The following BTBD16 variants were observed in gnomAD, a reference collection of about 807,000 sequenced individuals.
BTBD16 encodes the protein BTB/POZ domain-containing protein 16.
A neutral mutation model predicts 67.4 loss-of-function variants in BTBD16; 66 were observed. The observed-to-expected ratio is 0.98, with a 90% CI of 0.80 to 1.20. The LOEUF is 1.20. Ranked by LOEUF, BTBD16 falls within the 50% of genes most tolerant of loss-of-function variation. The pLI, the probability that BTBD16 is intolerant of heterozygous loss-of-function variation, is 0.00. For synonymous variants in BTBD16, 242 were observed against 236.4 expected (o/e 1.02, Z -0.22); for missense variants, 634 against 616.0 (o/e 1.03, Z -0.31).
intron 9 of BTBD16, among the ~76,000 whole-genome samples, chr10:122,301,995 G>A (rs778318808): frequency 2.0e-5 from 3 of 152,274 alleles, no homozygotes; most frequent in South Asian, 2.1e-4. Context: ...ACGTGGCCCC[G>A]GAGTGGGATG....
At chr10:122,281,926 G>A (rs1299867271) in intron 3 of BTBD16, among the ~76,000 whole-genome samples, 1 of 152,118 alleles carries the variant, frequency 6.6e-6, no homozygotes, top group East Asian at 1.9e-4. Context: ...CAGCATCCCC[G>A]CACCAAGCAT....
chr10:122,305,802 A>G (rs1015186103), intron 9 of BTBD16, among the ~76,000 whole-genome samples: 19 of 152,108 alleles, frequency 1.2e-4, no homozygotes, highest in African/African-American at 4.6e-4. Flanking sequence ...TGTGTACTCA[A>G]TGTTTAAGCT....
At position 122,275,190 on chromosome 10, in the gene BTBD16, T is replaced by C; in HGVS notation, c.18+91T>C. 4 of 1,259,268 alleles carry C rather than the reference T, an allele frequency of 3.2e-6. No homozygotes were observed. In the South Asian group the frequency reaches 4.8e-5, roughly 15 times the overall value. The allele number at this position is 1,259,268 out of a possible 1,614,324, so 78.0% of individuals were successfully genotyped here. On this transcript the variant is annotated intron_variant, in intron 2 of 15. Coordinates refer to ENST00000260723, the MANE Select transcript of BTBD16 (RefSeq NM_144587.5). The stretch of plus-strand genomic sequence containing the variant: ...CAAATTTCCACAAGGGGCTGGGTTC[T>C]GCACCACCGAGGACCTCAAGCATTA...
chr10:122,329,590 G>A lies in BTBD16; in HGVS notation c.1003+19G>A, dbSNP rs765817515. ...ACCAAAGGTAAGCCCCAGTCCAGGC[G>A]AGCGCATCCACGGGAAAGCTGCTGG... On this transcript the variant is annotated intron_variant, in intron 11 of 15. Transcript: ENST00000260723. 22 of 1,609,680 alleles carry A rather than the reference G, an allele frequency of 1.4e-5. No homozygotes were observed. The highest frequency in any genetic ancestry group is 5.0e-5 in the Admixed American group (3 of 59,956).
chr10:122,305,622 T>A (rs1042052090), intron 9 of BTBD16, among the ~76,000 whole-genome samples: 1 of 152,210 alleles, frequency 6.6e-6, no homozygotes, highest in Non-Finnish European at 1.5e-5. Context: ...CATGGAACTG[T>A]GAGTCAAGTA....
chr10:122,316,742 T>C (rs2096425306), intron 10 of BTBD16, among the ~76,000 whole-genome samples: 2 of 151,510 alleles, frequency 1.3e-5, no homozygotes, highest in South Asian at 4.2e-4. Context: ...AGTGAGTGAA[T>C]GGTGCGTGAA....
chr10:122,306,303 T>G (rs2096403588), intron 9 of BTBD16, among the ~76,000 whole-genome samples: 1 of 152,238 alleles, frequency 6.6e-6, no homozygotes, highest in African/African-American at 2.4e-5. Context: ...GATCTTACCT[T>G]GTTTGGTACT....
chr10:122,307,053 G>A (rs1246361617), intron 9 of BTBD16, 136 bp from the exon 10 acceptor site: 2 of 978,716 alleles, frequency 2.0e-6, no homozygotes, highest in Non-Finnish European at 2.9e-6. Context: ...CTGTTTACCT[G>A]CTTGATGTCT....
At chr10:122,298,311 C>T (rs1283120169) in intron 8 of BTBD16, among the ~76,000 whole-genome samples, 1 of 152,176 alleles carries the variant, frequency 6.6e-6, no homozygotes, top group Non-Finnish European at 1.5e-5. Flanking sequence ...CTCTGTATGG[C>T]CACCAGTGAC....
intron 5 of BTBD16, among the ~76,000 whole-genome samples, chr10:122,288,420 G>C (rs140704410): frequency 6.6e-6 from 1 of 152,322 alleles, no homozygotes; most frequent in Admixed American, 6.5e-5. Context: ...GGAGGGGAAA[G>C]GATCCTTTGC....
At chr10:122,271,702 C>T (rs1481092597) in intron 1 of BTBD16, among the ~76,000 whole-genome samples, 188 bp downstream of exon 1, 4 of 152,054 alleles carry the variant, frequency 2.6e-5, no homozygotes, top group East Asian at 1.9e-4. Context: ...AGCTCCTGCC[C>T]GCCCACAGGG....
In BTBD16 at chr10:122,295,213, A is replaced by G. The variant is rs113510217; in HGVS notation, c.591-2555A>G. 4.2e-5 allele frequency: 31 copies of G among 745,110 alleles called. 3 individuals are homozygous for G. The highest frequency in any genetic ancestry group is 3.6e-4 in the African/African-American group (19 of 52,682). The allele number at this position is 745,110 out of a possible 1,614,324, so 46.2% of individuals were successfully genotyped here. ...GTAGAAGAAGGAAGGCATGGAAATC[A>G]AAACTAAGGCAGTATGTGGGGAGGA... is the stretch of plus-strand genomic sequence containing the variant. On this transcript the variant is annotated intron_variant, in intron 7 of 15. Coordinates refer to ENST00000260723, the MANE Select transcript of BTBD16 (RefSeq NM_144587.5).
chr10:122,316,881 C>T (rs939705734), intron 10 of BTBD16, among the ~76,000 whole-genome samples: 21 of 152,084 alleles, frequency 1.4e-4, no homozygotes, highest in African/African-American at 4.3e-4. Flanking sequence ...TCCGCCTCTC[C>T]GGTTCAACTG....
In BTBD16 at chr10:122,333,404, A is replaced by G. The variant is rs532002846; in HGVS notation, c.1164+891A>G. On this transcript the variant is annotated intron_variant, in intron 13 of 15. Coordinates refer to ENST00000260723, the MANE Select transcript of BTBD16 (RefSeq NM_144587.5). ...CCTATTCTTTACCTCACTAAGGAAC[A>G]TGAAGAGTAAATAATATCGTCACTG... Among the ~76,000 whole-genome samples the G allele has an allele frequency of 2.2e-4, 34 of 152,362 alleles. 1 individual carries two copies. The East Asian group carries it at 5.6e-3, about 25-fold the overall frequency.
chr10:122,335,512 G>A (rs2096462058), intron 14 of BTBD16, among the ~76,000 whole-genome samples: 1 of 152,188 alleles, frequency 6.6e-6, no homozygotes, highest in Non-Finnish European at 1.5e-5. Context: ...ACGGCCTTGC[G>A]AGCTATAGGA....
intron 3 of BTBD16, among the ~76,000 whole-genome samples, chr10:122,281,046 A>G (rs2096351937): frequency 1.3e-5 from 2 of 152,008 alleles, no homozygotes; most frequent in African/African-American, 2.4e-5. Flanking sequence ...GGCTCAAGTG[A>G]TGCTCCTGCC....
chr10:122,315,021 G>A (rs913000964), intron 10 of BTBD16, among the ~76,000 whole-genome samples: 3 of 152,022 alleles, frequency 2.0e-5, no homozygotes, highest in African/African-American at 7.2e-5. Context: ...CTGTGGGTTT[G>A]GTGTAGATAC....
intron 10 of BTBD16, among the ~76,000 whole-genome samples, chr10:122,329,079 T>C (rs1435042557): frequency 6.6e-6 from 1 of 152,172 alleles, no homozygotes; most frequent in African/African-American, 2.4e-5. Context: ...TTTTCCCATC[T>C]GTAAAATGGA....
intron 5 of BTBD16, chr10:122,287,361 G>T: frequency 1.1e-6 from 1 of 898,144 alleles, no homozygotes; most frequent in Non-Finnish European, 1.3e-6. Context: ...AAGTGGAAAT[G>T]GAGTCATTAA....
Sources: allele counts gnomAD v4.1 joint callset (sites outside exome capture counted in the v4.1 genomes callset), GRCh38; gene constraint gnomAD v4.1.1; transcripts MANE v1.5; gene names NCBI Gene and HGNC (gene_info 2026-07-23, HGNC 2026-07-21).